The following STAG1 variants were observed in gnomAD, a reference collection of about 807,000 sequenced individuals.
STAG1 encodes the protein STAG1 cohesin complex component.
Under a neutral mutation model 170.9 loss-of-function variants are expected in STAG1, and 26 were observed. The observed-to-expected ratio is 0.15, with a 90% CI of 0.11 to 0.21. STAG1 has a LOEUF of 0.21. Among genes scored for constraint, STAG1 ranks in the 10% least tolerant of loss-of-function variants. The probability of loss-of-function intolerance (pLI) is 1.00; values close to 1 mark genes in which losing one functional copy is unlikely to be tolerated. For synonymous variants in STAG1, 514 were observed against 497.7 expected, an observed-to-expected ratio of 1.03 and a Z score of -0.44; for missense variants, 964 against 1,509.5, an observed-to-expected ratio of 0.64 and a Z score of 5.99.
At chr3:136,560,659 C>T (rs1192058049) in intron 5 of STAG1, among the ~76,000 whole-genome samples, 2 of 152,150 alleles carry the variant, frequency 1.3e-5, no homozygotes. Context: ...AAACAGAATT[C>T]ACTCCAGCTG....
chr3:136,659,532 A>G (rs1343171771), intron 1 of STAG1, among the ~76,000 whole-genome samples: 1 of 152,226 alleles, frequency 6.6e-6, no homozygotes, highest in Non-Finnish European at 1.5e-5. Context: ...CAGAGAGGAT[A>G]CCACATTTAT....
chr3:136,605,166 T>C (rs904777238), intron 3 of STAG1, among the ~76,000 whole-genome samples: 1 of 152,166 alleles, frequency 6.6e-6, no homozygotes, highest in Non-Finnish European at 1.5e-5. Context: ...GCAACAAATA[T>C]GCTGAACGTA....
rs964487932 is a variant in STAG1 at position 136,738,408 on chromosome 3, T to C, written c.-84+13787A>G. Among the ~76,000 whole-genome samples, 3 of 152,314 alleles carry C rather than the reference T, an allele frequency of 2.0e-5. No individual in the cohort carries two copies. In the East Asian group the frequency reaches 5.8e-4, roughly 29 times the overall value. On this transcript the variant is annotated intron_variant, in intron 1 of 33. Transcript: ENST00000383202. ...TAGGAGGCTGACGAAGTAGAAACGC[T>C]TGAACCCCGGAGGCACAGGCTACAG...
chr3:136,705,343 A>G (rs1943197523), intron 1 of STAG1, among the ~76,000 whole-genome samples: 1 of 151,820 alleles, frequency 6.6e-6, no homozygotes, highest in Non-Finnish European at 1.5e-5. Flanking sequence ...GTAATACATG[A>G]TATTAACAGA....
At chr3:136,549,265 C>T (rs757549200) in intron 5 of STAG1, among the ~76,000 whole-genome samples, 7 of 151,724 alleles carry the variant, frequency 4.6e-5, no homozygotes, top group African/African-American at 1.2e-4. Flanking sequence ...GTTACTTTGC[C>T]GAATTGATTG....
intron 11 of STAG1, among the ~76,000 whole-genome samples, chr3:136,473,263 T>A (rs932708354): frequency 1.3e-5 from 2 of 152,136 alleles, no homozygotes; most frequent in Non-Finnish European, 2.9e-5. Flanking sequence ...GTTGTATAAT[T>A]GTTTCATTAC....
rs897294389 is a variant in STAG1 at position 136,700,803 on chromosome 3, T to C, written c.-84+51392A>G. ...TCCTGTTCATTTATAATGGGATTAC[T>C]AGCAGAAATTAACACACGGTCTCTC... On this transcript the variant is annotated intron_variant, in intron 1 of 33. Transcript: ENST00000383202. Among the ~76,000 whole-genome samples, 5 of 151,588 alleles carry C rather than the reference T, an allele frequency of 3.3e-5. No homozygotes were observed. The East Asian group carries it at 9.7e-4, about 29-fold the overall frequency.
At chr3:136,540,672 A>C (rs956943638) in intron 6 of STAG1, among the ~76,000 whole-genome samples, 1 of 151,644 alleles carries the variant, frequency 6.6e-6, no homozygotes, top group Admixed American at 6.6e-5. Flanking sequence ...TAATACAAAA[A>C]TTAGCTGGGC....
chr3:136,645,714 A>C (rs901224010), intron 1 of STAG1, among the ~76,000 whole-genome samples: 1 of 152,214 alleles, frequency 6.6e-6, no homozygotes, highest in Non-Finnish European at 1.5e-5. Context: ...TCAGAGAAAT[A>C]GTCTCCTACA....
intron 26 of STAG1, among the ~76,000 whole-genome samples, chr3:136,361,431 T>G (rs1440643575): frequency 6.6e-6 from 1 of 152,202 alleles, no homozygotes; most frequent in Non-Finnish European, 1.5e-5. Context: ...TGTAGATACC[T>G]AGAAGCAAAA....
chr3:136,751,932 G>A (rs1293970405), intron 1 of STAG1, among the ~76,000 whole-genome samples: 1 of 150,814 alleles, frequency 6.6e-6, no homozygotes, highest in Admixed American at 6.6e-5. Context: ...GGGGTGGCAA[G>A]CGACGAAGAC....
At chr3:136,676,122 T>C (rs1459911259) in intron 1 of STAG1, among the ~76,000 whole-genome samples, 2 of 152,150 alleles carry the variant, frequency 1.3e-5, no homozygotes, top group Non-Finnish European at 2.9e-5. Flanking sequence ...AGTAAAAATA[T>C]GGTACAGAAG....
intron 28 of STAG1, among the ~76,000 whole-genome samples, chr3:136,353,589 T>C (rs939036608): frequency 1.3e-5 from 2 of 152,202 alleles, no homozygotes; most frequent in African/African-American, 4.8e-5. Flanking sequence ...AGTAAAAAAC[T>C]ATCAAACGAG....
intron 5 of STAG1, 74 bp downstream of exon 5, chr3:136,568,691 G>C (rs1937163683): frequency 1.1e-6 from 1 of 941,458 alleles, no homozygotes; most frequent in Non-Finnish European, 1.7e-6. Context: ...TATACGACTA[G>C]TGGCAGGTGA....
intron 6 of STAG1, among the ~76,000 whole-genome samples, chr3:136,528,902 T>C (rs1349368439): frequency 6.6e-6 from 1 of 151,482 alleles, no homozygotes; most frequent in Non-Finnish European, 1.5e-5. Context: ...TGCACTCCAG[T>C]CTGTGTGACA....
chr3:136,342,721 CTT>C (rs1398138918), intron 30 of STAG1, among the ~76,000 whole-genome samples: 1 of 152,240 alleles, frequency 6.6e-6, no homozygotes. Flanking sequence ...AAGTAGCTGT[CTT>C]TATATCATGT....
At chr3:136,396,140 G>T (rs1398329796) in intron 22 of STAG1, among the ~76,000 whole-genome samples, 1 of 151,592 alleles carries the variant, frequency 6.6e-6, no homozygotes, top group Non-Finnish European at 1.5e-5. Flanking sequence ...GACCTCAGGT[G>T]ATCCGCCCAC....
At chr3:136,750,988 T>C (rs1158094756) in intron 1 of STAG1, among the ~76,000 whole-genome samples, 1 of 152,232 alleles carries the variant, frequency 6.6e-6, no homozygotes, top group Non-Finnish European at 1.5e-5. Flanking sequence ...AAAACTAAAA[T>C]GTAGAGTCAT....
intron 22 of STAG1, among the ~76,000 whole-genome samples, chr3:136,388,156 C>A (rs1440689104): frequency 6.6e-6 from 1 of 152,214 alleles, no homozygotes; most frequent in Non-Finnish European, 1.5e-5. Context: ...TCAAACACTT[C>A]TTTCAATTTC....
Sources: allele counts gnomAD v4.1 joint callset (sites outside exome capture counted in the v4.1 genomes callset), GRCh38; gene constraint gnomAD v4.1.1; transcripts MANE v1.5; gene names NCBI Gene and HGNC (gene_info 2026-07-23, HGNC 2026-07-21).